The following TBL1X variants were observed in gnomAD, a reference collection of about 807,000 sequenced individuals.
TBL1X encodes the protein transducin beta like 1 X-linked.
TBL1X carries 10 observed loss-of-function variants against 50.7 expected under a neutral mutation model. The observed-to-expected ratio is 0.20, with a 90% confidence interval of 0.12 to 0.33. TBL1X has a LOEUF of 0.33. Ranked by LOEUF, TBL1X falls within the 10% of genes least tolerant of loss-of-function variation. TBL1X has a pLI of 1.00. For synonymous variants in TBL1X, 190 were observed against 214.7 expected, an observed-to-expected ratio of 0.88 and a Z score of 1.01; for missense variants, 340 against 504.4, an observed-to-expected ratio of 0.67 and a Z score of 3.12.
At chrX:9,533,603 G>A (rs2082172971) in intron 2 of TBL1X, among the ~76,000 whole-genome samples, 1 of 111,289 alleles carries the variant, frequency 9.0e-6, no homozygotes, top group Admixed American at 9.6e-5. Flanking sequence ...GAGAAGTGAA[G>A]GCAGGACAAT....
chrX:9,616,992 G>C (rs1226406697), intron 2 of TBL1X, among the ~76,000 whole-genome samples: 2 of 111,977 alleles, frequency 1.8e-5, no homozygotes, highest in African/African-American at 6.5e-5. Flanking sequence ...CAGGGGCCCA[G>C]AATCATATAT....
chrX:9,505,321 T>G (rs757044191), intron 2 of TBL1X, among the ~76,000 whole-genome samples: 1 of 112,045 alleles, frequency 8.9e-6, no homozygotes, highest in South Asian at 3.7e-4. Context: ...AAGGAAAAAC[T>G]GGTACTAGCC....
At chrX:9,656,751 C>T (rs763736009) in intron 5 of TBL1X, among the ~76,000 whole-genome samples, 1 of 112,155 alleles carries the variant, frequency 8.9e-6, no homozygotes, top group Non-Finnish European at 1.9e-5. Context: ...TTTTAGAGCA[C>T]CCTACAAGGT....
intron 2 of TBL1X, among the ~76,000 whole-genome samples, chrX:9,518,412 T>A (rs1202510444): frequency 1.1e-4 from 12 of 112,400 alleles, no homozygotes; most frequent in Admixed American, 9.4e-4. Context: ...TCCACCCTAC[T>A]CTCATCTTGC....
intron 8 of TBL1X, 148 bp from the exon 9 acceptor site, chrX:9,691,965 A>T (rs1352037209): frequency 3.0e-6 from 3 of 1,008,320 alleles, no homozygotes; most frequent in Non-Finnish European, 4.1e-6. Context: ...AAATGCAAAG[A>T]TGGCAAAGAG....
At chrX:9,484,808 A>G (rs2081902279) in intron 1 of TBL1X, among the ~76,000 whole-genome samples, 1 of 108,128 alleles carries the variant, frequency 9.2e-6, no homozygotes, top group Non-Finnish European at 1.9e-5. Context: ...GCATCCAGGC[A>G]CGGTGGCTCA....
chrX:9,618,611 G>A (rs1448879392), intron 2 of TBL1X, among the ~76,000 whole-genome samples: 35 of 112,063 alleles, frequency 3.1e-4, no homozygotes, highest in Admixed American at 2.7e-3. Flanking sequence ...CCTGGGAGGC[G>A]GAGGTTGCAG....
intron 2 of TBL1X, among the ~76,000 whole-genome samples, chrX:9,551,193 C>T (rs1188218504): frequency 9.0e-6 from 1 of 111,186 alleles, no homozygotes; most frequent in Non-Finnish European, 1.9e-5. Context: ...GATGGGTGTC[C>T]AGCCTGTGCC....
chrX:9,518,816 C>A (rs1190994803), intron 2 of TBL1X, among the ~76,000 whole-genome samples: 1 of 110,810 alleles, frequency 9.0e-6, no homozygotes, highest in Non-Finnish European at 1.9e-5. Flanking sequence ...TGAAGACCCT[C>A]CTTACTCCGT....
intron 13 of TBL1X, among the ~76,000 whole-genome samples, chrX:9,706,173 G>A (rs778809884): frequency 2.7e-5 from 3 of 112,149 alleles, no homozygotes; most frequent in African/African-American, 6.5e-5. Flanking sequence ...TGGGGACACC[G>A]ATCCTAAACC....
chrX:9,491,338 A>ATATATATATATATATTTTT (rs1328551249), intron 1 of TBL1X, among the ~76,000 whole-genome samples: 1 of 31,316 alleles, frequency 3.2e-5, no homozygotes, highest in African/African-American at 1.2e-4. Context: ...ATATATATAT[A>ATATATATATATATATTTTT]TTTTTTTTTT....
At chrX:9,468,516 T>A (rs1257747807) in intron 1 of TBL1X, among the ~76,000 whole-genome samples, 2 of 111,441 alleles carry the variant, frequency 1.8e-5, no homozygotes, top group Non-Finnish European at 3.8e-5. Context: ...GTGGTCCTGC[T>A]GCGGGACCTT....
chrX:9,711,808 T>C (rs763295672), intron 16 of TBL1X, 32 bp downstream of exon 16: 2 of 1,156,350 alleles, frequency 1.7e-6, no homozygotes, highest in East Asian at 6.3e-5. Context: ...CAAATCCTTT[T>C]AGTAAGGGAT....
intron 11 of TBL1X, among the ~76,000 whole-genome samples, chrX:9,696,745 TC>T (rs2083133921): frequency 1.8e-5 from 2 of 112,559 alleles, no homozygotes; most frequent in South Asian, 7.3e-4. Flanking sequence ...GATGCTTTGT[TC>T]CAGGTTTTTC....
intron 2 of TBL1X, among the ~76,000 whole-genome samples, chrX:9,507,988 C>A (rs2082034563): frequency 8.9e-6 from 1 of 112,207 alleles, no homozygotes; most frequent in African/African-American, 3.2e-5. Context: ...ACCATAAAAA[C>A]CCTAGAAGAT....
chrX:9,563,692 C>G (rs932250551), intron 2 of TBL1X, among the ~76,000 whole-genome samples: 12 of 112,552 alleles, frequency 1.1e-4, no homozygotes, highest in African/African-American at 3.2e-4. Flanking sequence ...TCAGTAGCCA[C>G]ATGTGGCCAG....
chrX:9,557,376 G>C (rs2082305920), intron 2 of TBL1X, among the ~76,000 whole-genome samples: 1 of 111,798 alleles, frequency 8.9e-6, no homozygotes, highest in Admixed American at 9.5e-5. Flanking sequence ...ATTTGCAGGG[G>C]AAACAGGCGG....
chrX:9,476,774 A>AGCT (rs1216398129), intron 1 of TBL1X, among the ~76,000 whole-genome samples: 1 of 1,289 alleles, frequency 7.8e-4, no homozygotes, highest in African/African-American at 8.3e-3. Flanking sequence ...TGAAGACAGT[A>AGCT]ACTTATTAGG....
chrX:9,497,137 A>G (rs1183471958), intron 1 of TBL1X, among the ~76,000 whole-genome samples: 2 of 111,536 alleles, frequency 1.8e-5, no homozygotes, highest in South Asian at 3.7e-4. Context: ...GGCCTGGCAC[A>G]GTGGCTCACG....
Sources: allele counts gnomAD v4.1 joint callset (sites outside exome capture counted in the v4.1 genomes callset), GRCh38; gene constraint gnomAD v4.1.1; transcripts MANE v1.5; gene names NCBI Gene and HGNC (gene_info 2026-07-23, HGNC 2026-07-21).